The following CYREN variants were observed in gnomAD, a reference collection of about 807,000 sequenced individuals.
The protein encoded by CYREN is cell cycle regulator of non-homologous end joining.
A neutral mutation model predicts 9.7 loss-of-function variants in CYREN; 7 were observed. The ratio of observed to expected loss-of-function variants is 0.72; its 90% CI spans 0.41 to 1.36. The LOEUF is 1.36. Ranked by LOEUF, CYREN falls within the 40% of genes most tolerant of loss-of-function variation. The pLI is 0.01. For synonymous variants in CYREN, 76 were observed against 77.9 expected (o/e 0.98, Z 0.13); for missense variants, 215 against 198.1 (o/e 1.09, Z -0.51).
In CYREN at chr7:135,160,259, T is replaced by C. The variant is rs1008703411; in HGVS notation, n.356+8490A>G. Among the ~76,000 whole-genome samples, 20 of 152,232 alleles carry C rather than the reference T, an allele frequency of 1.3e-4. 1 individual carries two copies. The highest frequency in any genetic ancestry group is 4.8e-4 in the African/African-American group (20 of 41,468). The stretch of plus-strand genomic sequence containing the variant: ...ATTTTCTAGTTTCCTACAATCAGCA[T>C]GTGTTATTATAAACAGGAAAAGGTT... On this transcript the variant is annotated intron_variant and non_coding_transcript_variant, in intron 2 of 2. Transcript: ENST00000459937.
chr7:135,151,330 C>T lies in CYREN; in HGVS notation n.356+17419G>A, dbSNP rs974459212. On this transcript the variant is annotated intron_variant and non_coding_transcript_variant, in intron 2 of 2. Transcript: ENST00000459937. The surrounding 1 kb of genome is among the most constrained non-coding windows in gnomAD (Gnocchi z 4.3). ...CATGTTTCTACCAAAGGAAATATGA[C>T]ACATTTCCCTTTCTTCTTCCCTTTT... Among the ~76,000 whole-genome samples the T allele has an allele frequency of 6.6e-6, 1 of 152,156 alleles. No individual in the cohort carries two copies. The highest frequency in any genetic ancestry group is 1.5e-5 in the Non-Finnish European group (1 of 68,026).
chr7:135,167,988 T>C, intron 2 of CYREN, 181 bp from the exon 3 acceptor site: 1 of 1,067,772 alleles, frequency 9.4e-7, no homozygotes. Context: ...GCCCAGTGAC[T>C]GGCACAGGGC....
chr7:135,120,340 A>T (rs917061885), intron 2 of CYREN, among the ~76,000 whole-genome samples: 1 of 152,236 alleles, frequency 6.6e-6, no homozygotes, highest in African/African-American at 2.4e-5. Flanking sequence ...AGGTAAAAGG[A>T]CATAAAAGGA....
intron 2 of CYREN, among the ~76,000 whole-genome samples, chr7:135,103,363 T>C (rs1404978155): frequency 6.6e-6 from 1 of 152,162 alleles, no homozygotes; most frequent in Non-Finnish European, 1.5e-5. Context: ...ATGTTTTAAG[T>C]GAAGTCCAAA....
At chr7:135,128,380 A>G in intron 2 of CYREN, 1 of 455,514 alleles carries the variant, frequency 2.2e-6, no homozygotes, top group East Asian at 4.8e-5. Context: ...GTGGGAGTGT[A>G]GCAGTGAGGA....
At chr7:135,107,976 CTTT>C in intron 2 of CYREN, among the ~76,000 whole-genome samples, 1 of 149,488 alleles carries the variant, frequency 6.7e-6, no homozygotes, top group African/African-American at 2.5e-5. Context: ...ATGTCTTTAT[CTTT>C]TTTTTTTATC....
chr7:135,100,278 A>G (rs1823629544), intron 2 of CYREN, among the ~76,000 whole-genome samples: 1 of 152,104 alleles, frequency 6.6e-6, no homozygotes, highest in African/African-American at 2.4e-5. Flanking sequence ...TATCCATTGC[A>G]GCAACTGGAG....
chr7:135,152,755 C>T (rs1829695367), intron 2 of CYREN: 1 of 152,138 alleles, frequency 6.6e-6, no homozygotes, highest in African/African-American at 2.4e-5. Context: ...AAAGAAAGGC[C>T]CTAGGAACCT....
rs1830145235 is a variant in CYREN at position 135,166,513 on chromosome 7, G to A, written c.*98C>T. On this transcript the variant is annotated 3_prime_UTR_variant, in exon 4 of 4. Transcript: ENST00000393114. ...GAAGGCACAAAGGTAGGAGCACAGA[G>A]AGCCCCATTCCCACAGGCGGGCGGC... 1.3e-6 allele frequency: 2 copies of A among 1,500,294 alleles called. No individual in the cohort carries two copies. Among genetic ancestry groups the A allele is most frequent in the South Asian group, 1.4e-5 (1 of 73,858 alleles). The allele number at this position is 1,500,294 out of a possible 1,614,324, so 92.9% of individuals were successfully genotyped here.
At chr7:135,161,591 T>C (rs1829939913), downstream of CYREN, among the ~76,000 whole-genome samples, 1 of 152,154 alleles carries the variant, frequency 6.6e-6, no homozygotes, top group African/African-American at 2.4e-5. The surrounding 1 kb of genome is among the most constrained non-coding windows in gnomAD (Gnocchi z 4.1). Context: ...CCATACAAAA[T>C]ATGTTCCCGT....
chr7:135,121,663 G>A (rs957515522), intron 2 of CYREN, among the ~76,000 whole-genome samples: 10 of 152,014 alleles, frequency 6.6e-5, no homozygotes, highest in East Asian at 1.9e-4. Flanking sequence ...TAGAAACAGC[G>A]GCATTCGGAG....
intron 2 of CYREN, among the ~76,000 whole-genome samples, chr7:135,122,443 C>T (rs1030540142): frequency 1.3e-5 from 2 of 152,224 alleles, no homozygotes; most frequent in African/African-American, 4.8e-5. Context: ...GACCAGCAGA[C>T]TTAGCCTTTC....
intron 2 of CYREN, among the ~76,000 whole-genome samples, chr7:135,124,552 T>TAGAC (rs2117272366): frequency 6.6e-6 from 1 of 152,364 alleles, no homozygotes; most frequent in South Asian, 2.1e-4. Flanking sequence ...GTGGATCTAA[T>TAGAC]AGACATCTAC....
intron 2 of CYREN, among the ~76,000 whole-genome samples, chr7:135,136,090 C>G (rs2117382447): frequency 6.6e-6 from 1 of 152,136 alleles, no homozygotes. Context: ...GCAAGTATGT[C>G]AGGCAGAAGA....
chr7:135,108,823 A>T (rs1585164184), intron 2 of CYREN, among the ~76,000 whole-genome samples: 3 of 152,306 alleles, frequency 2.0e-5, no homozygotes, highest in Non-Finnish European at 4.4e-5. Flanking sequence ...GATGCAAATG[A>T]TTCATAAATT....
At chr7:135,139,962 T>C (rs1198980225) in intron 2 of CYREN, among the ~76,000 whole-genome samples, 5 of 152,148 alleles carry the variant, frequency 3.3e-5, no homozygotes, top group African/African-American at 9.7e-5. Context: ...TTTGGTTACA[T>C]AGCCTTGTAG....
At chr7:135,121,900 C>T (rs1827187111) in intron 2 of CYREN, among the ~76,000 whole-genome samples, 1 of 152,178 alleles carries the variant, frequency 6.6e-6, no homozygotes, top group Admixed American at 6.5e-5. Context: ...AACTGTGAAA[C>T]CTATAGATTG....
At position 135,165,852 on chromosome 7, in the gene CYREN, A is replaced by C. The variant is rs1222541950; in HGVS notation, c.*759T>G. On this transcript the variant is annotated 3_prime_UTR_variant, in exon 4 of 4. Coordinates refer to ENST00000393114, the MANE Select transcript of CYREN (RefSeq NM_024033.4). ...AAACCTGTATGGCAGTGATTTATTCATATATTCCTGTCCAAAGCCACACTG... is the reference window on the plus strand; with the variant it reads ...AAACCTGTATGGCAGTGATTTATTCCTATATTCCTGTCCAAAGCCACACTG... 1 of 167,138 alleles carries C rather than the reference A, an allele frequency of 6.0e-6. No homozygotes were observed. The highest frequency in any genetic ancestry group is 1.5e-5 in the Non-Finnish European group (1 of 68,140). The allele number at this position is 167,138 out of a possible 1,614,324, so 10.4% of individuals were successfully genotyped here.
chr7:135,109,000 G>A (rs988248853), intron 2 of CYREN, among the ~76,000 whole-genome samples: 1 of 152,132 alleles, frequency 6.6e-6, no homozygotes, highest in African/African-American at 2.4e-5. Context: ...GGGTTGTGTT[G>A]TGAAATTCTT....
Sources: allele counts gnomAD v4.1 joint callset (sites outside exome capture counted in the v4.1 genomes callset), GRCh38; gene constraint gnomAD v4.1.1; non-coding constraint Gnocchi (gnomAD v3.1); transcripts MANE v1.5; gene names NCBI Gene and HGNC (gene_info 2026-07-23, HGNC 2026-07-21).